TCF20: variants seen among roughly 807,000 people sequenced by gnomAD.
TCF20 encodes SPRE-binding protein.
A neutral mutation model predicts 148.6 loss-of-function variants in TCF20; 3 were observed. That is an observed-to-expected ratio of 0.02 (90% CI 0.01 to 0.05). TCF20 has a LOEUF of 0.05. Among genes scored for constraint, TCF20 ranks in the 10% least tolerant of loss-of-function variants. TCF20 has a pLI of 1.00. For missense variants in TCF20, 2,350 were observed against 2,429.3 expected (o/e 0.97, Z 0.69); for synonymous variants, 1,049 against 909.5 (o/e 1.15, Z -2.76).
At chr22:42,255,446 G>A (rs6002664) in intron 1 of TCF20, among the ~76,000 whole-genome samples, 6,358 of 151,650 alleles carry the variant, frequency 0.042, 457 homozygotes, top group African/African-American at 0.14. Flanking sequence ...CTGAGATCGC[G>A]CCACTGCACT....
intron 5 of TCF20, among the ~76,000 whole-genome samples, chr22:42,162,234 C>T (rs993369041): frequency 2.6e-5 from 4 of 152,090 alleles, no homozygotes; most frequent in African/African-American, 7.2e-5. Context: ...ACCTCGGCCT[C>T]CCAAAGTGTT....
intron 1 of TCF20, among the ~76,000 whole-genome samples, chr22:42,255,382 G>A (rs774052092): frequency 1.3e-5 from 2 of 151,930 alleles, no homozygotes; most frequent in Non-Finnish European, 2.9e-5. Context: ...CCAGCTAGTT[G>A]GGAGGCTAAG....
At chr22:42,235,141 CAAAA>C (rs34834610) in intron 1 of TCF20, among the ~76,000 whole-genome samples, 3 of 109,214 alleles carry the variant, frequency 2.7e-5, no homozygotes, top group Admixed American at 8.9e-5. Context: ...GACTCTGTCT[CAAAA>C]AAAAAAAAAA....
intron 1 of TCF20, among the ~76,000 whole-genome samples, chr22:42,257,846 G>A (rs79829846): frequency 6.6e-6 from 1 of 152,214 alleles, no homozygotes. Context: ...CGGAAGAGAT[G>A]AGAGTGCCCC....
rs577884191 is a variant in TCF20, at chr22:42,164,539, C to A, written c.*45-3181G>T. On this transcript the variant is annotated intron_variant, in intron 5 of 5. Transcript: ENST00000677622. ...TGCCCGGCCTGGGATGCACTCATTT[C>A]TTTAACACAGACTCACTTGGCACTA... 1.1e-3 allele frequency among the ~76,000 whole-genome samples: 164 copies of A among 152,304 alleles called. 1 individual carries two copies. Among genetic ancestry groups the A allele is most frequent in the African/African-American group, 3.7e-3 (155 of 41,574 alleles).
At chr22:42,169,729 G>A (rs1936004987) in intron 4 of TCF20, 118 bp downstream of exon 4, 10 of 1,027,276 alleles carry the variant, frequency 9.7e-6, no homozygotes, top group East Asian at 7.4e-5. Flanking sequence ...ACTAACAGCC[G>A]GAGGCACAGG....
chr22:42,203,218 G>C (rs146237476), intron 2 of TCF20, among the ~76,000 whole-genome samples: 1 of 152,066 alleles, frequency 6.6e-6, no homozygotes, highest in Non-Finnish European at 1.5e-5. Flanking sequence ...GGTAGAGACA[G>C]GGTTTCTCCA....
chr22:42,163,159 C>T (rs1935569182), intron 5 of TCF20, among the ~76,000 whole-genome samples: 1 of 152,222 alleles, frequency 6.6e-6, no homozygotes, highest in Admixed American at 6.5e-5. Flanking sequence ...GCACCCCAAT[C>T]TTGCTCATTA....
intron 3 of TCF20, among the ~76,000 whole-genome samples, chr22:42,170,847 A>G (rs549533446): frequency 1.3e-5 from 2 of 152,092 alleles, no homozygotes; most frequent in Non-Finnish European, 2.9e-5. Context: ...TTTAAAATCT[A>G]GACGCGTATT....
intron 1 of TCF20, among the ~76,000 whole-genome samples, chr22:42,267,290 A>G (rs1275127489): frequency 6.6e-6 from 1 of 152,196 alleles, no homozygotes; most frequent in Non-Finnish European, 1.5e-5. Flanking sequence ...GAAAAAACAA[A>G]ACCAATTTGA....
chr22:42,280,151 A>G (rs1926868735), intron 1 of TCF20, among the ~76,000 whole-genome samples: 1 of 152,230 alleles, frequency 6.6e-6, no homozygotes, highest in South Asian at 2.1e-4. Context: ...CGCCCAAGTC[A>G]CTACCTACAT....
chr22:42,315,440 G>A (rs1305182870), intron 1 of TCF20, among the ~76,000 whole-genome samples: 6 of 152,326 alleles, frequency 3.9e-5, no homozygotes, highest in Non-Finnish European at 8.8e-5. Context: ...CAGGGTAAGA[G>A]AGGAAAGGAG....
chr22:42,312,319 C>T (rs969329544), intron 1 of TCF20, among the ~76,000 whole-genome samples: 1 of 152,186 alleles, frequency 6.6e-6, no homozygotes, highest in Non-Finnish European at 1.5e-5. Flanking sequence ...AGACATGGCC[C>T]TGCCTTGTCT....
At chr22:42,218,254 G>A (rs1283525389) in intron 1 of TCF20, among the ~76,000 whole-genome samples, 1 of 152,142 alleles carries the variant, frequency 6.6e-6, no homozygotes, top group African/African-American at 2.4e-5. Context: ...TTGCCCAGAG[G>A]GTCTTCCACA....
intron 3 of TCF20, among the ~76,000 whole-genome samples, chr22:42,179,336 A>G (rs1936635215): frequency 6.6e-6 from 1 of 152,052 alleles, no homozygotes; most frequent in South Asian, 2.1e-4. Flanking sequence ...AGCAAAGCCC[A>G]CAGAGATAGA....
rs1601521914 is a variant in TCF20 at position 42,173,879 on chromosome 22, A to G, written c.5750-3983T>C. 2.0e-5 allele frequency among the ~76,000 whole-genome samples: 3 copies of G among 152,170 alleles called. No individual in the cohort carries two copies. In the East Asian group the frequency reaches 5.8e-4, roughly 29 times the overall value. ...GACAGCCCTACCCTCACTCCTCCCA[A>G]CCCAGACCCCTCTGTCTTGCTGGAC... On this transcript the variant is annotated intron_variant, in intron 3 of 5. Transcript: ENST00000677622.
intron 1 of TCF20, among the ~76,000 whole-genome samples, chr22:42,323,659 G>C (rs1927775732): frequency 6.6e-6 from 1 of 151,870 alleles, no homozygotes; most frequent in African/African-American, 2.4e-5. Context: ...TTGGAGAGCA[G>C]GAACCAGACT....
chr22:42,261,988 C>T (rs1926053503), intron 1 of TCF20, among the ~76,000 whole-genome samples: 15 of 151,962 alleles, frequency 9.9e-5, no homozygotes, highest in Admixed American at 9.8e-4. Context: ...AAGACTCCAT[C>T]TCGAAAAAAG....
intron 2 of TCF20, among the ~76,000 whole-genome samples, chr22:42,190,877 T>A (rs1383786735): frequency 2.0e-5 from 3 of 152,196 alleles, no homozygotes; most frequent in African/African-American, 7.2e-5. Flanking sequence ...TTCGTAATTA[T>A]CACACATGGT....
Sources: gnomAD v4.1 joint callset for allele counts (sites outside exome capture counted in the v4.1 genomes callset) on GRCh38, gnomAD v4.1.1 for gene constraint, MANE v1.5 for transcripts, NCBI Gene and HGNC (gene_info 2026-07-23, HGNC 2026-07-21) for gene names.